Variants in CNBD1 observed in about 807,000 individuals in gnomAD.
CNBD1 encodes cyclic nucleotide-binding domain-containing protein 1.
Under a neutral mutation model 54.4 loss-of-function variants are expected in CNBD1, and 71 were observed. That is an observed-to-expected ratio of 1.30 (90% CI 1.08 to 1.59). The LOEUF (loss-of-function observed/expected upper bound fraction) is 1.59. Among genes scored for constraint, CNBD1 ranks in the 40% most tolerant of loss-of-function variants. The pLI is 0.00. For missense variants in CNBD1, 659 were observed against 518.0 expected, an observed-to-expected ratio of 1.27 and a Z score of -2.64; for synonymous variants, 182 against 170.7, an observed-to-expected ratio of 1.07 and a Z score of -0.51.
At chr8:87,318,821 A>G (rs1344784657) in intron 8 of CNBD1, among the ~76,000 whole-genome samples, 1 of 152,054 alleles carries the variant, frequency 6.6e-6, no homozygotes, top group Admixed American at 6.6e-5. Context: ...GACAGGAAGG[A>G]TAGTCATGGT....
intron 1 of CNBD1, among the ~76,000 whole-genome samples, chr8:86,868,256 C>T (rs937516571): frequency 6.6e-6 from 1 of 152,190 alleles, no homozygotes; most frequent in Non-Finnish European, 1.5e-5. Flanking sequence ...CCATTGTATA[C>T]ATCCTTGATA....
At chr8:87,177,765 AAT>A (rs1270120271) in intron 4 of CNBD1, among the ~76,000 whole-genome samples, 17 of 151,988 alleles carry the variant, frequency 1.1e-4, no homozygotes, top group Non-Finnish European at 2.2e-4. Context: ...ATTAATTGAT[AAT>A]GTTACATTAA....
intron 2 of CNBD1, among the ~76,000 whole-genome samples, chr8:86,899,797 C>G (rs1028143635): frequency 6.6e-6 from 1 of 152,112 alleles, no homozygotes; most frequent in Admixed American, 6.5e-5. Context: ...GAATTTATAT[C>G]TATCTCTTCC....
At chr8:86,987,452 A>C (rs907340778) in intron 4 of CNBD1, among the ~76,000 whole-genome samples, 12 of 152,262 alleles carry the variant, frequency 7.9e-5, no homozygotes, top group Middle Eastern at 3.4e-3. Flanking sequence ...GTCAATAAAG[A>C]GAGACAGTTG....
chr8:86,972,669 A>G (rs1202198842), intron 4 of CNBD1, among the ~76,000 whole-genome samples: 2 of 152,202 alleles, frequency 1.3e-5, no homozygotes, highest in Non-Finnish European at 2.9e-5. Flanking sequence ...TGCCTCAACC[A>G]TGTGACTTTT....
chr8:87,302,511 G>C (rs1316020031), intron 8 of CNBD1, among the ~76,000 whole-genome samples: 1 of 151,912 alleles, frequency 6.6e-6, no homozygotes, highest in African/African-American at 2.4e-5. Context: ...AGCTATTTAT[G>C]ACAAACCCAC....
At chr8:87,178,219 C>T (rs138400826) in intron 4 of CNBD1, among the ~76,000 whole-genome samples, 176 of 152,196 alleles carry the variant, frequency 1.2e-3, no homozygotes, top group Middle Eastern at 3.4e-3. Flanking sequence ...GAGGAAAATA[C>T]GTAATGTATT....
chr8:87,046,725 A>G (rs750807188), intron 4 of CNBD1, among the ~76,000 whole-genome samples: 6 of 152,166 alleles, frequency 3.9e-5, no homozygotes, highest in Non-Finnish European at 8.8e-5. Context: ...TTATGGTGCC[A>G]TTTGGGACTC....
chr8:87,156,641 G>A (rs1033437185), intron 4 of CNBD1, among the ~76,000 whole-genome samples: 9 of 152,028 alleles, frequency 5.9e-5, no homozygotes, highest in African/African-American at 2.2e-4. Flanking sequence ...TTTTTTACAG[G>A]GGACGTATAT....
At chr8:87,101,024 G>A (rs1811419472) in intron 4 of CNBD1, among the ~76,000 whole-genome samples, 1 of 152,140 alleles carries the variant, frequency 6.6e-6, no homozygotes, top group African/African-American at 2.4e-5. Flanking sequence ...GGCCACTGGG[G>A]GAGAAAGATT....
chr8:87,065,019 G>A (rs1425966765), intron 4 of CNBD1, among the ~76,000 whole-genome samples: 1 of 151,862 alleles, frequency 6.6e-6, no homozygotes, highest in East Asian at 1.9e-4. Flanking sequence ...TTAAAAATAA[G>A]TTTTGGCTCA....
chr8:87,311,736 A>G (rs1809270427), intron 8 of CNBD1, among the ~76,000 whole-genome samples: 1 of 152,182 alleles, frequency 6.6e-6, no homozygotes, highest in African/African-American at 2.4e-5. Flanking sequence ...AAAATGTGGC[A>G]CATATATACC....
intron 2 of CNBD1, among the ~76,000 whole-genome samples, chr8:86,897,405 C>T (rs997427567): frequency 7.9e-5 from 12 of 152,162 alleles, no homozygotes; most frequent in Middle Eastern, 3.4e-3. Context: ...TACCCTAAGA[C>T]GGGGGCCTTG....
chr8:87,129,270 G>T (rs1812067913), intron 4 of CNBD1, among the ~76,000 whole-genome samples: 1 of 151,764 alleles, frequency 6.6e-6, no homozygotes, highest in Non-Finnish European at 1.5e-5. Context: ...TGTTGGTAGG[G>T]TTTACCAGAA....
chr8:87,271,314 C>G (rs1444138525), intron 6 of CNBD1, among the ~76,000 whole-genome samples: 8 of 151,480 alleles, frequency 5.3e-5, no homozygotes, highest in Non-Finnish European at 7.4e-5. Flanking sequence ...GCTTGCTTTT[C>G]TAGTTCCTCC....
intron 4 of CNBD1, among the ~76,000 whole-genome samples, chr8:86,962,102 C>G (rs368720999): frequency 6.1e-5 from 9 of 147,206 alleles, no homozygotes; most frequent in African/African-American, 2.4e-4. Flanking sequence ...ATGAGGAAAA[C>G]AGAGGTTTTT....
intron 4 of CNBD1, among the ~76,000 whole-genome samples, chr8:87,005,017 C>T (rs1809067072): frequency 6.6e-6 from 1 of 151,590 alleles, no homozygotes; most frequent in South Asian, 2.1e-4. Flanking sequence ...TAGTTTGCTG[C>T]ATGATTTAAT....
chr8:87,046,933 G>A (rs965557105), intron 4 of CNBD1, among the ~76,000 whole-genome samples: 15 of 152,268 alleles, frequency 9.9e-5, no homozygotes, highest in African/African-American at 3.6e-4. Context: ...ATTTGGAAAG[G>A]ACCGTGTGTT....
chr8:87,044,638 C>T (rs1050431509), intron 4 of CNBD1: 2 of 152,164 alleles, frequency 1.3e-5, no homozygotes, highest in Non-Finnish European at 2.9e-5. Context: ...CAACTCTCCC[C>T]ATCTTTACAG....
Sources: allele counts gnomAD v4.1 joint callset (sites outside exome capture counted in the v4.1 genomes callset), GRCh38; gene constraint gnomAD v4.1.1; transcripts MANE v1.5; gene names NCBI Gene and HGNC (gene_info 2026-07-23, HGNC 2026-07-21).